BPTF: variants seen among roughly 807,000 people sequenced by gnomAD.
BPTF encodes the protein bromodomain PHD finger transcription factor.
Under a neutral mutation model 292.5 loss-of-function variants are expected in BPTF, and 18 were observed. That is an observed-to-expected ratio of 0.06 (90% CI 0.04 to 0.09). The LOEUF is 0.09. BPTF is among the 10% of genes least tolerant of loss of function. The probability of loss-of-function intolerance (pLI) is 1.00; values close to 1 mark genes in which losing one functional copy is unlikely to be tolerated. For synonymous variants in BPTF, 1,225 were observed against 1,251.9 expected (o/e 0.98, Z 0.45); for missense variants, 2,726 against 3,498.7 (o/e 0.78, Z 5.57).
At chr17:67,969,770 C>T (rs1555689814) in intron 26 of BPTF, among the ~76,000 whole-genome samples, 1 of 151,932 alleles carries the variant, frequency 6.6e-6, no homozygotes, top group African/African-American at 2.4e-5. Context: ...TAATACCAGC[C>T]TGGGCAACAT....
rs199613995 is a variant in BPTF, at chr17:67,945,830, G to A, written c.7122G>A (p.Pro2374=). 32 of 1,614,086 alleles carry A rather than the reference G, an allele frequency of 2.0e-5. No homozygotes were observed. The highest frequency in any genetic ancestry group is 2.5e-5 in the Non-Finnish European group (30 of 1,180,022). ...QSQVQTTTSQ[P]IPIQPHTSLQ... Reference sequence around the variant, plus strand: ...AGGTTCAGACTACAACCTCACAACCGATTCCAATTCAACCACATACATCTC... The same window carrying A: ...AGGTTCAGACTACAACCTCACAACCAATTCCAATTCAACCACATACATCTC... Residue 2374 remains proline, a synonymous_variant, in exon 21 of 28, where the codon CCG becomes CCA. Coordinates refer to ENST00000306378, the MANE Select transcript of BPTF (RefSeq NM_182641.4).
intron 7 of BPTF, among the ~76,000 whole-genome samples, chr17:67,896,373 G>T (rs139217919): frequency 0.013 from 1,991 of 152,280 alleles, 32 homozygotes; most frequent in African/African-American, 0.042. Flanking sequence ...TACAATAGAA[G>T]GAAAACATTT....
intron 4 of BPTF, chr17:67,875,759 G>A (rs765647116): frequency 9.8e-6 from 15 of 1,533,340 alleles, no homozygotes; most frequent in South Asian, 2.6e-5. Context: ...AGAGGGCAGC[G>A]TATCAATGCC....
At chr17:67,963,489 A>G in intron 24 of BPTF, 1 of 1,533,386 alleles carries the variant, frequency 6.5e-7, no homozygotes, top group East Asian at 2.4e-5. Flanking sequence ...TCTGCAGAAC[A>G]CCTTATGATG....
At chr17:67,850,862 T>G (rs1369607291) in intron 1 of BPTF, among the ~76,000 whole-genome samples, 2 of 152,172 alleles carry the variant, frequency 1.3e-5, no homozygotes, top group African/African-American at 2.4e-5. Flanking sequence ...CATTGTTCTG[T>G]GTGGGAAACA....
chr17:67,918,879 G>A, intron 12 of BPTF, 41 bp downstream of exon 12: 1 of 1,601,604 alleles, frequency 6.2e-7, no homozygotes, highest in Non-Finnish European at 8.5e-7. Context: ...AAGTTTAAAA[G>A]CTAAAATCAC....
chr17:67,908,358 C>G (rs1468092750), intron 9 of BPTF, among the ~76,000 whole-genome samples: 1 of 151,982 alleles, frequency 6.6e-6, no homozygotes, highest in African/African-American at 2.4e-5. Flanking sequence ...GGGGTTTCAC[C>G]TTGTTGGGCT....
intron 23 of BPTF, 68 bp downstream of exon 23, chr17:67,948,374 C>A: frequency 1.4e-6 from 2 of 1,385,752 alleles, no homozygotes; most frequent in African/African-American, 1.5e-5. Flanking sequence ...TTTTCCCTTG[C>A]CTTTTTAATA....
At chr17:67,832,783 CTTTTT>C (rs60751133) in intron 1 of BPTF, among the ~76,000 whole-genome samples, 1 of 101,640 alleles carries the variant, frequency 9.8e-6, no homozygotes, top group Non-Finnish European at 1.9e-5. Context: ...TGATTCGCCT[CTTTTT>C]TTTTTTTTTT....
At chr17:67,928,220 T>G in intron 15 of BPTF, 135 bp from the exon 16 acceptor site, 1 of 1,004,816 alleles carries the variant, frequency 1.0e-6, no homozygotes, top group Non-Finnish European at 1.4e-6. Flanking sequence ...ATATATTCTT[T>G]TTGGAAGTAA....
At position 67,911,557 on chromosome 17, in the gene BPTF, G is replaced by A; in HGVS notation, c.3673G>A (p.Asp1225Asn). The change falls in exon 11 of 28, where the codon GAT (aspartate) becomes AAT (asparagine). Residue 1225 changes from aspartate to asparagine, a missense_variant. Asp to Asn is a conservative substitution (Grantham distance 23, BLOSUM62 1). This residue lies in a region of BPTF where 713 missense variants were observed against 714.9 expected (regional missense o/e 1.00). Transcript: ENST00000306378. ...IDDSKLASAD[D>N]IGTLICKNKK... Reference sequence around the variant, plus strand: ...TGACTCTAAACTAGCCAGTGCAGATGATATTGGTACTTTGATCTGTAAGAA... The same window carrying A: ...TGACTCTAAACTAGCCAGTGCAGATAATATTGGTACTTTGATCTGTAAGAA... 6.2e-7 allele frequency: 1 copy of A among 1,614,118 alleles called. No homozygotes were observed. The highest frequency in any genetic ancestry group is 8.5e-7 in the Non-Finnish European group (1 of 1,180,020).
chr17:67,896,757 C>A (rs1270864152), intron 7 of BPTF, among the ~76,000 whole-genome samples: 2 of 152,110 alleles, frequency 1.3e-5, no homozygotes, highest in East Asian at 3.9e-4. Context: ...TCTGGATGTT[C>A]ATGAAAGTAC....
At chr17:67,857,555 C>G (rs570865402) in intron 2 of BPTF, among the ~76,000 whole-genome samples, 1 of 151,616 alleles carries the variant, frequency 6.6e-6, no homozygotes, top group East Asian at 1.9e-4. Context: ...CAGCCTCGAC[C>G]TCCTGGGCTC....
At chr17:67,878,607 T>A (rs2060189542) in intron 4 of BPTF, among the ~76,000 whole-genome samples, 1 of 152,160 alleles carries the variant, frequency 6.6e-6, no homozygotes, top group South Asian at 2.1e-4. Flanking sequence ...CTAGTGGGCA[T>A]GTAGGGATAT....
rs1403042858 is a variant in BPTF at position 67,912,660 on chromosome 17, CTCCACAGTG to C, written c.4777_4785del (p.Ser1593_Val1595del). On this transcript the variant is annotated inframe_deletion, in exon 11 of 28. Transcript: ENST00000306378. ...TCATCACAGAAGTCACCACGATGACCTCCACAGTGGCCACAGAATCAAAAACTGTGATCA... is the reference window on the plus strand; with the variant it reads ...TCATCACAGAAGTCACCACGATGACCGCCACAGAATCAAAAACTGTGATCA... 15 of 1,613,868 alleles carry C rather than the reference CTCCACAGTG, an allele frequency of 9.3e-6. No homozygotes were observed. The highest frequency in any genetic ancestry group is 3.3e-4 in the Middle Eastern group (2 of 6,084).
At position 67,931,860 on chromosome 17, in the gene BPTF, C is replaced by G. The variant is rs570517213; in HGVS notation, c.6151-51C>G. ...GATCTTGTGTTCTAAGTCCATTATA[C>G]TTTAATCTTTTTAAAGCATTTTAAT... is the stretch of plus-strand genomic sequence containing the variant. On this transcript the variant is annotated intron_variant, in intron 17 of 27. Transcript: ENST00000306378. 54 of 1,405,040 alleles carry G rather than the reference C, an allele frequency of 3.8e-5. 1 individual carries two copies. The East Asian group carries it at 1.2e-3, about 32-fold the overall frequency. 87.0% of individuals were successfully genotyped at this position (1,405,040 alleles called of 1,614,324 possible). A position where few individuals can be genotyped will look rare whatever the true frequency, so the allele number is the denominator to read the frequency against.
chr17:67,836,316 A>G (rs907147010), intron 1 of BPTF, among the ~76,000 whole-genome samples: 3 of 152,198 alleles, frequency 2.0e-5, no homozygotes, highest in Non-Finnish European at 2.9e-5. Flanking sequence ...CCAAATGGCA[A>G]TGTTCAGTAG....
chr17:67,966,525 G>A (rs1555687520), intron 25 of BPTF, 47 bp from the exon 26 acceptor site: 2 of 1,547,196 alleles, frequency 1.3e-6, no homozygotes. Context: ...AACTTAAATG[G>A]AATTAGTGTT....
intron 1 of BPTF, among the ~76,000 whole-genome samples, chr17:67,832,961 G>C (rs902361540): frequency 6.4e-5 from 9 of 141,418 alleles, no homozygotes; most frequent in African/African-American, 2.6e-4. Context: ...CTAATTTTTT[G>C]TATTTTTTTT....
Sources: gnomAD v4.1 joint callset for allele counts (sites outside exome capture counted in the v4.1 genomes callset) on GRCh38, gnomAD v4.1.1 for gene constraint, gnomAD v4.1.1 regional missense constraint, MANE v1.5 for transcripts, NCBI Gene and HGNC (gene_info 2026-07-23, HGNC 2026-07-21) for gene names.